The following DBX2 variants were observed in gnomAD, a reference collection of about 807,000 sequenced individuals.
The protein encoded by DBX2 is developing brain homeobox 2.
A neutral mutation model predicts 17.7 loss-of-function variants in DBX2; 16 were observed. That is an observed-to-expected ratio of 0.90 (90% CI 0.61 to 1.37). DBX2 has a LOEUF of 1.37. Ranked by LOEUF, DBX2 falls within the 40% of genes most tolerant of loss-of-function variation. DBX2 has a pLI of 0.00. For synonymous variants in DBX2, 255 were observed against 183.8 expected (o/e 1.39, Z -3.13); for missense variants, 538 against 433.8 (o/e 1.24, Z -2.13).
intron 1 of DBX2, among the ~76,000 whole-genome samples, chr12:45,036,538 A>C (rs1301683573): frequency 6.6e-6 from 1 of 152,226 alleles, no homozygotes; most frequent in Admixed American, 6.5e-5. Context: ...AGTATAATGA[A>C]TAACTGCATA....
At chr12:45,030,254 A>G (rs1373727467) in intron 2 of DBX2, among the ~76,000 whole-genome samples, 1 of 152,054 alleles carries the variant, frequency 6.6e-6, no homozygotes, top group African/African-American at 2.4e-5. Context: ...AAACAAAGAC[A>G]GACCTTATCC....
intron 2 of DBX2, among the ~76,000 whole-genome samples, chr12:45,028,349 T>C (rs575315514): frequency 6.6e-6 from 1 of 152,314 alleles, no homozygotes; most frequent in African/African-American, 2.4e-5. Context: ...TAAAACCTTT[T>C]ATGTCTATAT....
At position 45,024,130 on chromosome 12, in the gene DBX2, GT is replaced by G. The variant is rs555631004; in HGVS notation, c.500-237del. 3.3e-3 allele frequency among the ~76,000 whole-genome samples: 507 copies of G among 152,224 alleles called. 5 individuals carry two copies. Among genetic ancestry groups the G allele is most frequent in the African/African-American group, 0.011 (472 of 41,544 alleles). On this transcript the variant is annotated intron_variant, in intron 2 of 3. Coordinates refer to ENST00000332700, the MANE Select transcript of DBX2 (RefSeq NM_001004329.3). ...GGGAGGTAATTGAATCATGGGGGTG[GT>G]TCCCCCATGCTGTTCTCATGAAAGT...
chr12:45,024,133 C>T (rs975991268), intron 2 of DBX2, among the ~76,000 whole-genome samples: 13 of 152,162 alleles, frequency 8.5e-5, no homozygotes, highest in Middle Eastern at 6.8e-3. Flanking sequence ...GGGGGTGGTT[C>T]CCCCATGCTG....
chr12:45,050,705 G>T lies in DBX2; in HGVS notation c.223C>A (p.Pro75Thr). The change falls in exon 1 of 4, where the codon CCC becomes ACC. Residue 75 changes from proline to threonine, a missense_variant. By Grantham distance (38) the Pro-to-Thr change is conservative (BLOSUM62 -1). Coordinates refer to ENST00000332700, the MANE Select transcript of DBX2 (RefSeq NM_001004329.3). The part of the protein sequence containing the change: ...ALATAGAQLR[P>T]LPASPVPLKL... Reference sequence around the variant, plus strand: ...AGGGGAACTGGGCTAGCAGGCAGGGGCCGGAGCTGCGCGCCCGCGGTGGCC... The same window carrying T: ...AGGGGAACTGGGCTAGCAGGCAGGGTCCGGAGCTGCGCGCCCGCGGTGGCC... The T allele has an allele frequency of 6.6e-7, 1 of 1,506,350 alleles. No individual in the cohort carries two copies. Among genetic ancestry groups the T allele is most frequent in the Non-Finnish European group, 8.9e-7 (1 of 1,129,588 alleles). 93.3% of individuals were successfully genotyped at this position (1,506,350 alleles called of 1,614,324 possible).
chr12:45,028,068 G>C (rs1592753095), intron 2 of DBX2, among the ~76,000 whole-genome samples: 2 of 152,324 alleles, frequency 1.3e-5, no homozygotes, highest in East Asian at 3.9e-4. Context: ...GCAATCGAGG[G>C]AAAGGCAGGT....
chr12:45,025,487 G>C (rs1475666916), intron 2 of DBX2, among the ~76,000 whole-genome samples: 2 of 151,920 alleles, frequency 1.3e-5, no homozygotes, highest in African/African-American at 4.8e-5. Flanking sequence ...TCAGTTCATG[G>C]TAATTTGTTA....
At chr12:45,037,390 A>C (rs1413160447) in intron 1 of DBX2, among the ~76,000 whole-genome samples, 1 of 152,148 alleles carries the variant, frequency 6.6e-6, no homozygotes. Flanking sequence ...TAAATGAACA[A>C]ATGGTCTTCC....
chr12:45,020,466 AAG>A (rs1159415406), intron 3 of DBX2, among the ~76,000 whole-genome samples: 2 of 152,058 alleles, frequency 1.3e-5, no homozygotes, highest in Non-Finnish European at 2.9e-5. Context: ...AAAGTACAAA[AAG>A]AGGCAAAACT....
rs1289362556 is a variant in DBX2 at position 45,051,023 on chromosome 12, G to A, written c.-96C>T. ...CCCAGAGCCGCAGCTTCTCGCCGCC[G>A]CCTCCCGCAGGGCTGGAGCGCGCGG... On this transcript the variant is annotated 5_prime_UTR_variant, in exon 1 of 4. Coordinates refer to ENST00000332700, the MANE Select transcript of DBX2 (RefSeq NM_001004329.3). 1.5e-6 allele frequency: 2 copies of A among 1,292,846 alleles called. No homozygotes were observed. The highest frequency in any genetic ancestry group is 3.2e-5 in the East Asian group (1 of 30,962). 80.1% of individuals were successfully genotyped at this position (1,292,846 alleles called of 1,614,324 possible). A position where few individuals can be genotyped will look rare whatever the true frequency, so the allele number is the denominator to read the frequency against.
At position 45,016,378 on chromosome 12, in the gene DBX2, G is replaced by A; in HGVS notation, c.928C>T (p.Pro310Ser). ...TGCAGTGAATTTGCTTCTGGGGGTG[G>A]TGCCCCTGAACTCTCCTGGATTAGT... ...ERLIQESSGA[P>S]PPEANSLQGA... The change falls in exon 4 of 4, where the codon CCA becomes TCA. Residue 310 changes from proline (P) to serine (S), a missense_variant. Transcript: ENST00000332700. 2 of 1,613,472 alleles carry A rather than the reference G, an allele frequency of 1.2e-6. No individual in the cohort carries two copies. The highest frequency in any genetic ancestry group is 8.5e-7 in the Non-Finnish European group (1 of 1,179,822).
intron 3 of DBX2, among the ~76,000 whole-genome samples, chr12:45,020,089 C>A (rs937525431): frequency 2.0e-5 from 3 of 152,116 alleles, no homozygotes; most frequent in African/African-American, 7.2e-5. Flanking sequence ...TTAAAATGTA[C>A]AATGCAATGG....
chr12:45,039,672 T>C (rs938804571), intron 1 of DBX2, among the ~76,000 whole-genome samples: 3 of 152,180 alleles, frequency 2.0e-5, no homozygotes, highest in Admixed American at 6.5e-5. Context: ...ACTCATTGAT[T>C]CATTAACATT....
chr12:45,022,296 C>CTGTT (rs1228452162), intron 3 of DBX2, among the ~76,000 whole-genome samples: 1 of 91,268 alleles, frequency 1.1e-5, no homozygotes, highest in Non-Finnish European at 2.1e-5. Flanking sequence ...CCAATAATAA[C>CTGTT]TGTTTTTTTT....
intron 2 of DBX2, among the ~76,000 whole-genome samples, chr12:45,024,191 G>T (rs1173037990): frequency 5.3e-5 from 8 of 152,038 alleles, no homozygotes; most frequent in South Asian, 4.1e-4. Flanking sequence ...GGTTTTGTGA[G>T]GGGCTTTTCC....
chr12:45,050,555 G>A lies in DBX2; in HGVS notation c.373C>T (p.Arg125Ter). 1.3e-6 allele frequency: 2 copies of A among 1,552,938 alleles called. No individual in the cohort carries two copies. The highest frequency in any genetic ancestry group is 1.7e-6 in the Non-Finnish European group (2 of 1,149,144). The change falls in exon 1 of 4, where the codon CGA becomes TGA. Residue 125 changes from arginine to a stop codon, truncating the protein, a stop_gained. Transcript: ENST00000332700. LOFTEE classifies it high-confidence loss of function. ...GCTGAAGGCTGGAAGGTACAGTCTC[G>A]GTCCCCCGGAGCCCGGCCCGGCAGC... ...ARLPGRAPGD[R>*]DCTFQPSAPA...
At chr12:45,017,840 C>A (rs562473173) in intron 3 of DBX2, among the ~76,000 whole-genome samples, 33 of 152,214 alleles carry the variant, frequency 2.2e-4, no homozygotes, top group African/African-American at 7.5e-4. Flanking sequence ...CTTACACTAA[C>A]AATTTAGTTG....
At position 45,050,327 on chromosome 12, in the gene DBX2, G is replaced by C. The variant is rs540113403; in HGVS notation, c.403+198C>G. Among the ~76,000 whole-genome samples, 266 of 152,328 alleles carry C rather than the reference G, an allele frequency of 1.7e-3. 1 individual carries two copies. Among genetic ancestry groups the C allele is most frequent in the African/African-American group, 6.0e-3 (250 of 41,574 alleles). Reference sequence around the variant, plus strand: ...GAATGGGATGGGATGGGGCAAAAAAGAATCACAGAAAGTGGTGTGCCTCCG... The same window carrying C: ...GAATGGGATGGGATGGGGCAAAAAACAATCACAGAAAGTGGTGTGCCTCCG... On this transcript the variant is annotated intron_variant, in intron 1 of 3. Transcript: ENST00000332700.
In DBX2 at chr12:45,018,606, A is replaced by G. The variant is rs538120060; in HGVS notation, c.688-1988T>C. 2.9e-4 allele frequency among the ~76,000 whole-genome samples: 44 copies of G among 152,230 alleles called. No individual in the cohort carries two copies. The South Asian group carries it at 8.5e-3, about 29-fold the overall frequency. ...ATAAAAAGGAGCTGAATACATAAAA[A>G]TGAGAAATTTCTGTACAAACATATG... On this transcript the variant is annotated intron_variant, in intron 3 of 3. Transcript: ENST00000332700.
Sources: gnomAD v4.1 joint callset for allele counts (sites outside exome capture counted in the v4.1 genomes callset) on GRCh38, gnomAD v4.1.1 for gene constraint, MANE v1.5 for transcripts, NCBI Gene and HGNC (gene_info 2026-07-23, HGNC 2026-07-21) for gene names.